Variants in SNX14 observed in about 807,000 individuals in gnomAD.
SNX14 encodes sorting nexin 14.
SNX14 carries 93 observed loss-of-function variants against 133.8 expected under a neutral mutation model. That is an observed-to-expected ratio of 0.70 (90% CI 0.59 to 0.83). The LOEUF (loss-of-function observed/expected upper bound fraction) is 0.83. Ranked by LOEUF, SNX14 falls within the 40% of genes least tolerant of loss-of-function variation. The pLI is 0.00. For synonymous variants in SNX14, 368 were observed against 365.6 expected (o/e 1.01, Z -0.07); for missense variants, 945 against 1,094.9 (o/e 0.86, Z 1.93).
intron 6 of SNX14, among the ~76,000 whole-genome samples, chr6:85,558,796 A>G (rs1395515699): frequency 2.0e-5 from 3 of 152,112 alleles, no homozygotes; most frequent in Admixed American, 2.0e-4. Context: ...TTCAAGATAT[A>G]TGGAAACACC....
In SNX14 at chr6:85,530,200, T is replaced by C; in HGVS notation, c.1886A>G (p.Glu629Gly). 1 of 1,576,640 alleles carries C rather than the reference T, an allele frequency of 6.3e-7. No homozygotes were observed. The highest frequency in any genetic ancestry group is 8.7e-7 in the Non-Finnish European group (1 of 1,152,496). Residue 629 changes from glutamate to glycine, a missense_variant, in exon 19 of 29, where the codon GAA (glutamate) becomes GGA (glycine). This residue lies in a region of SNX14 where 412 missense variants were observed against 516.6 expected (regional missense o/e 0.80). Transcript: ENST00000314673. ...EFYVLESKLT[E>G]FHGAFPDAQL... The stretch of plus-strand genomic sequence containing the variant: ...CAAAAAGAATAACATACCATGAAAT[T>C]CTGTTAGTTTTGATTCAAGTACATA...
Position 85,542,002 on chromosome 6 carries a change from G to A in SNX14, c.1431C>T (p.Arg477=), listed in dbSNP as rs1197511205. The change falls in exon 15 of 29, where the codon CGC becomes CGT. Residue 477 remains arginine (R), a synonymous_variant. Coordinates refer to ENST00000314673, the MANE Select transcript of SNX14 (RefSeq NM_153816.6). ...CAACCTACCTGTTCAATTTTGAATTGCGTGTTGGTGATTCTGCACCTCTTA... is the reference window on the plus strand; with the variant it reads ...CAACCTACCTGTTCAATTTTGAATTACGTGTTGGTGATTCTGCACCTCTTA... ...QLLRGAESPT[R]NSKLNRGSLS... 3 of 1,593,828 alleles carry A rather than the reference G, an allele frequency of 1.9e-6. No homozygotes were observed. The African/African-American group carries it at 4.1e-5, about 22-fold the overall frequency.
At chr6:85,565,165 C>A (rs1329611335) in intron 6 of SNX14, among the ~76,000 whole-genome samples, 167 bp downstream of exon 6, 3 of 151,942 alleles carry the variant, frequency 2.0e-5, no homozygotes, top group Non-Finnish European at 2.9e-5. Context: ...GGGATAGATA[C>A]CCCATTTTCC....
chr6:85,574,352 C>A lies in SNX14; in HGVS notation c.167G>T (p.Trp56Leu). The change falls in exon 2 of 29, where the codon TGG becomes TTG. Residue 56 changes from tryptophan (W) to leucine (L), a missense_variant. Physicochemically the swap from Trp to Leu is moderately conservative, Grantham distance 61 (BLOSUM62 -2). Coordinates refer to ENST00000314673, the MANE Select transcript of SNX14 (RefSeq NM_153816.6). ...NRYIHILMIF[W>L]SFVAGVVTFY... ...TGTGACAACTCCAGCAACAAATGACCAGAAGATCATTAAAATATGAATATA... is the reference window on the plus strand; with the variant it reads ...TGTGACAACTCCAGCAACAAATGACAAGAAGATCATTAAAATATGAATATA... 6.4e-7 allele frequency: 1 copy of A among 1,564,448 alleles called. No individual in the cohort carries two copies. The highest frequency in any genetic ancestry group is 1.1e-5 in the South Asian group (1 of 87,200).
chr6:85,593,619 G>A lies in SNX14; in HGVS notation c.100C>T (p.Leu34=). 1.2e-6 allele frequency: 2 copies of A among 1,613,542 alleles called. No individual in the cohort carries two copies. The highest frequency in any genetic ancestry group is 1.7e-6 in the Non-Finnish European group (2 of 1,179,904). ...GAGGCGGCGCTGAGACAGAGCAGCA[G>A]GAAGCAGAACAGCGGGTACTGGCGG... ...ICRQYPLFCF[L]LLCLSAASLL... Residue 34 remains leucine (L), a synonymous_variant, in exon 1 of 29, where the codon CTG becomes TTG. Coordinates refer to ENST00000314673, the MANE Select transcript of SNX14 (RefSeq NM_153816.6).
chr6:85,565,635 A>G (rs1345212690), intron 5 of SNX14, among the ~76,000 whole-genome samples: 3 of 152,248 alleles, frequency 2.0e-5, no homozygotes. Flanking sequence ...ACTATTAACT[A>G]AATTGTAACA....
At chr6:85,522,775 G>A (rs541132141) in intron 21 of SNX14, among the ~76,000 whole-genome samples, 9 of 152,018 alleles carry the variant, frequency 5.9e-5, no homozygotes, top group African/African-American at 1.7e-4. Context: ...TGACACATTC[G>A]GCCATAACTT....
At chr6:85,533,838 A>G (rs376677656) in intron 17 of SNX14, 38 bp from the exon 18 acceptor site, 2 of 1,520,620 alleles carry the variant, frequency 1.3e-6, no homozygotes, top group African/African-American at 2.7e-5. Flanking sequence ...AATATTCCCA[A>G]TACCTTTAGA....
chr6:85,550,909 T>C (rs1787593395), intron 7 of SNX14, among the ~76,000 whole-genome samples: 2 of 152,130 alleles, frequency 1.3e-5, no homozygotes, highest in East Asian at 1.9e-4. Flanking sequence ...GCCTCCCAAG[T>C]AGCTGGGATT....
At chr6:85,548,037 A>T (rs894892780) in intron 9 of SNX14, among the ~76,000 whole-genome samples, 5 of 152,210 alleles carry the variant, frequency 3.3e-5, no homozygotes, top group Admixed American at 2.0e-4. Flanking sequence ...TGTGGTACCC[A>T]GAGTAGTCAA....
At position 85,530,294 on chromosome 6, in the gene SNX14, C is replaced by A; in HGVS notation, c.1811-19G>T. The A allele has an allele frequency of 1.4e-6, 2 of 1,425,228 alleles. No homozygotes were observed. Among genetic ancestry groups the A allele is most frequent in the Non-Finnish European group, 1.9e-6 (2 of 1,033,662 alleles). 88.3% of individuals were successfully genotyped at this position (1,425,228 alleles called of 1,614,324 possible). A position where few individuals can be genotyped will look rare whatever the true frequency, so the allele number is the denominator to read the frequency against. The stretch of plus-strand genomic sequence containing the variant: ...TGTCCAACTGTAAATTGAGTACACA[C>A]ACACTGAGTAACAAATAATTTCAAA... On this transcript the variant is annotated intron_variant, in intron 18 of 28. Coordinates refer to ENST00000314673, the MANE Select transcript of SNX14 (RefSeq NM_153816.6).
intron 16 of SNX14, 157 bp from the exon 17 acceptor site, chr6:85,537,081 TATC>T: frequency 1.7e-6 from 1 of 590,096 alleles, no homozygotes; most frequent in Non-Finnish European, 2.6e-6. Context: ...ACGGATTAAG[TATC>T]AACATCTCAG....
intron 12 of SNX14, among the ~76,000 whole-genome samples, chr6:85,546,594 T>A (rs989248387): frequency 6.6e-6 from 1 of 152,012 alleles, no homozygotes; most frequent in Non-Finnish European, 1.5e-5. Flanking sequence ...AGGATTTGAA[T>A]GAAGTTAGTG....
chr6:85,517,710 T>G, intron 23 of SNX14, 46 bp downstream of exon 23: 1 of 1,538,252 alleles, frequency 6.5e-7, no homozygotes, highest in Non-Finnish European at 8.7e-7. Flanking sequence ...TAATCTCAAG[T>G]AGGGCAACTT....
At chr6:85,576,994 T>G (rs1000556370) in intron 1 of SNX14, among the ~76,000 whole-genome samples, 1 of 152,206 alleles carries the variant, frequency 6.6e-6, no homozygotes, top group African/African-American at 2.4e-5. Flanking sequence ...GTTAGAAAAC[T>G]GTTGCAGTAA....
intron 6 of SNX14, 66 bp downstream of exon 6, chr6:85,565,263 ATTG>A: frequency 2.1e-6 from 2 of 967,232 alleles, no homozygotes; most frequent in Non-Finnish European, 3.1e-6. Flanking sequence ...CTCACAAAAA[ATTG>A]TTTTAAATCT....
intron 18 of SNX14, among the ~76,000 whole-genome samples, chr6:85,532,033 GA>G (rs113924466): frequency 6.6e-6 from 1 of 151,052 alleles, no homozygotes; most frequent in African/African-American, 2.4e-5. Context: ...CTCTCAAAAA[GA>G]AAAAAAATTA....
At chr6:85,569,593 C>T (rs537359823) in intron 4 of SNX14, among the ~76,000 whole-genome samples, 3 of 152,234 alleles carry the variant, frequency 2.0e-5, no homozygotes, top group African/African-American at 7.2e-5. Flanking sequence ...ATCAGCATAG[C>T]CCTTAAAGTC....
rs776241603 is a variant in SNX14 at position 85,507,281 on chromosome 6, A to G, written c.2754T>C (p.Tyr918=). The change falls in exon 28 of 29, where the codon TAT becomes TAC. Residue 918 remains tyrosine (Y), a synonymous_variant. Transcript: ENST00000314673. The part of the protein sequence containing the change: ...QQPVLNKQLT[Y]VLLDIVIQEL... The stretch of plus-strand genomic sequence containing the variant: ...CCTGTATCACAATGTCCAATAAAAC[A>G]TAAGTCAGCTAAAGCACCAAAAAAT... The G allele has an allele frequency of 1.2e-6, 2 of 1,609,536 alleles. No homozygotes were observed. Among genetic ancestry groups the G allele is most frequent in the Non-Finnish European group, 1.7e-6 (2 of 1,178,394 alleles).
Sources: gnomAD v4.1 joint callset for allele counts (sites outside exome capture counted in the v4.1 genomes callset) on GRCh38, gnomAD v4.1.1 for gene constraint, gnomAD v4.1.1 regional missense constraint, MANE v1.5 for transcripts, NCBI Gene and HGNC (gene_info 2026-07-23, HGNC 2026-07-21) for gene names.